Variants in EYS observed in about 807,000 individuals in gnomAD.
The protein encoded by EYS is EGF-like photoreceptor maintenance factor.
A neutral mutation model predicts 282.1 loss-of-function variants in EYS; 250 were observed. The observed-to-expected ratio is 0.89, with a 90% CI of 0.80 to 0.98. EYS has a LOEUF of 0.98. Ranked by LOEUF, EYS falls within the 50% of genes least tolerant of loss-of-function variation. The pLI is 0.00. For synonymous variants in EYS, 1,355 were observed against 1,282.9 expected, an observed-to-expected ratio of 1.06 and a Z score of -1.20; for missense variants, 4,016 against 3,709.0, an observed-to-expected ratio of 1.08 and a Z score of -2.15.
chr6:64,870,408 A>AC (rs1450309218), intron 19 of EYS, among the ~76,000 whole-genome samples: 2 of 118,478 alleles, frequency 1.7e-5, no homozygotes, highest in Non-Finnish European at 3.6e-5. Context: ...AAAAACAATT[A>AC]CCCCCCTCCT....
At chr6:65,331,302 T>C (rs1472213829) in intron 11 of EYS, 1 of 643,486 alleles carries the variant, frequency 1.6e-6, no homozygotes, top group East Asian at 1.4e-4. Flanking sequence ...TTATTCAGTG[T>C]ATATATAATT....
At chr6:63,829,329 C>T (rs527622593) in intron 36 of EYS, among the ~76,000 whole-genome samples, 3 of 152,292 alleles carry the variant, frequency 2.0e-5, no homozygotes, top group African/African-American at 7.2e-5. Context: ...GAAGCCATGA[C>T]AGATGGTACC....
chr6:64,402,848 C>T (rs1338835), intron 28 of EYS, among the ~76,000 whole-genome samples: 42,201 of 151,936 alleles, frequency 0.28, 5,972 homozygotes, highest in East Asian at 0.46. Flanking sequence ...GTATGTGGGA[C>T]AAAAAATATT....
At chr6:63,969,990 C>T (rs189143470) in intron 35 of EYS, among the ~76,000 whole-genome samples, 5 of 152,246 alleles carry the variant, frequency 3.3e-5, no homozygotes, top group African/African-American at 4.8e-5. Context: ...GGTGTATGTA[C>T]CCAACCCTGA....
intron 29 of EYS, among the ~76,000 whole-genome samples, chr6:64,372,283 TC>T (rs1772408475): frequency 6.6e-6 from 1 of 152,078 alleles, no homozygotes; most frequent in Non-Finnish European, 1.5e-5. Context: ...GTCTTATTTC[TC>T]CTTTGCTTAC....
At chr6:64,335,478 C>T (rs1291584644) in intron 29 of EYS, among the ~76,000 whole-genome samples, 3 of 152,028 alleles carry the variant, frequency 2.0e-5, no homozygotes, top group African/African-American at 2.4e-5. Context: ...TGTAATGCTG[C>T]CTTTGTTTCT....
intron 22 of EYS, among the ~76,000 whole-genome samples, chr6:64,745,595 C>A (rs1002668042): frequency 6.6e-6 from 1 of 152,050 alleles, no homozygotes; most frequent in East Asian, 1.9e-4. Context: ...TTGTTAGCCA[C>A]TGTAATCCAG....
intron 12 of EYS, among the ~76,000 whole-genome samples, chr6:65,278,691 C>T (rs535880684): frequency 6.6e-6 from 1 of 152,126 alleles, no homozygotes; most frequent in South Asian, 2.1e-4. Flanking sequence ...TATAATTTAT[C>T]ATTTGTTGCT....
At chr6:63,920,167 T>A (rs1764530993) in intron 35 of EYS, among the ~76,000 whole-genome samples, 1 of 152,060 alleles carries the variant, frequency 6.6e-6, no homozygotes, top group African/African-American at 2.4e-5. Flanking sequence ...CTTTTTTTTT[T>A]AATAGAATGC....
At chr6:65,181,962 A>G (rs1333899900) in intron 12 of EYS, among the ~76,000 whole-genome samples, 1 of 152,078 alleles carries the variant, frequency 6.6e-6, no homozygotes, top group African/African-American at 2.4e-5. Context: ...GCAAGGACAA[A>G]AAAACAAACA....
chr6:63,790,908 C>T (rs1770493433), intron 37 of EYS, among the ~76,000 whole-genome samples: 1 of 152,048 alleles, frequency 6.6e-6, no homozygotes, highest in Admixed American at 6.5e-5. Flanking sequence ...AGGGCATATT[C>T]ATTTCAGCTG....
At chr6:65,687,275 C>A (rs1769057851) in intron 1 of EYS, among the ~76,000 whole-genome samples, 1 of 151,708 alleles carries the variant, frequency 6.6e-6, no homozygotes, top group African/African-American at 2.4e-5. Context: ...GTTATATATG[C>A]AAGAAAAAAG....
At chr6:64,113,807 G>T (rs1773288779) in intron 31 of EYS, among the ~76,000 whole-genome samples, 1 of 152,180 alleles carries the variant, frequency 6.6e-6, no homozygotes, top group Non-Finnish European at 1.5e-5. Flanking sequence ...TGTGAAGAGT[G>T]TTTCTTACTG....
chr6:64,450,655 C>G (rs545095502), intron 26 of EYS, among the ~76,000 whole-genome samples: 159 of 152,144 alleles, frequency 1.0e-3, no homozygotes, highest in African/African-American at 3.4e-3. Context: ...ATAACAAACT[C>G]TCTCTCAGAC....
intron 33 of EYS, among the ~76,000 whole-genome samples, chr6:64,026,710 CTT>C (rs1247527312): frequency 1.3e-5 from 2 of 152,134 alleles, no homozygotes; most frequent in African/African-American, 4.8e-5. Flanking sequence ...TATAGCTCCC[CTT>C]CCTATTAATG....
At chr6:63,961,229 C>A (rs987340618) in intron 35 of EYS, among the ~76,000 whole-genome samples, 6 of 152,288 alleles carry the variant, frequency 3.9e-5, no homozygotes, top group African/African-American at 1.2e-4. Context: ...GCCATCATAT[C>A]CCCTGTGACT....
intron 23 of EYS, among the ~76,000 whole-genome samples, chr6:64,617,958 T>C (rs945218945): frequency 4.6e-5 from 7 of 152,306 alleles, no homozygotes; most frequent in African/African-American, 1.7e-4. Context: ...GCACCTACTA[T>C]AGATCTCTAG....
intron 12 of EYS, among the ~76,000 whole-genome samples, chr6:65,120,162 A>C (rs1456625373): frequency 2.0e-5 from 3 of 150,562 alleles, no homozygotes; most frequent in Non-Finnish European, 3.0e-5. Context: ...AAAAAAAAAA[A>C]AAAACAAAAA....
At chr6:63,773,517 T>C (rs769200034) in intron 40 of EYS, among the ~76,000 whole-genome samples, 3 of 152,136 alleles carry the variant, frequency 2.0e-5, no homozygotes, top group Non-Finnish European at 2.9e-5. Context: ...AGAAAAAGAA[T>C]AGCAGGAATA....
Sources: allele counts gnomAD v4.1 joint callset (sites outside exome capture counted in the v4.1 genomes callset), GRCh38; gene constraint gnomAD v4.1.1; transcripts MANE v1.5; gene names NCBI Gene and HGNC (gene_info 2026-07-23, HGNC 2026-07-21).